L3MBTL4: variants seen among roughly 807,000 people sequenced by gnomAD.
L3MBTL4 encodes L3MBTL histone methyl-lysine binding protein 4.
L3MBTL4 carries 70 observed loss-of-function variants against 84.5 expected under a neutral mutation model. That is an observed-to-expected ratio of 0.83 (90% CI 0.68 to 1.01). L3MBTL4 has a LOEUF of 1.01. Among genes scored for constraint, L3MBTL4 ranks in the 50% least tolerant of loss-of-function variants. The pLI, the probability that L3MBTL4 is intolerant of heterozygous loss-of-function variation, is 0.00. For synonymous variants in L3MBTL4, 274 were observed against 259.8 expected (o/e 1.05, Z -0.52); for missense variants, 715 against 754.8 (o/e 0.95, Z 0.62).
chr18:6,084,802 G>C (rs2058204993), intron 15 of L3MBTL4, among the ~76,000 whole-genome samples: 2 of 152,190 alleles, frequency 1.3e-5, no homozygotes, highest in Non-Finnish European at 2.9e-5. Context: ...GGTGAGAGAT[G>C]GTAGAAAAAG....
chr18:6,311,613 T>C lies in L3MBTL4; in HGVS notation c.13A>G (p.Asn5Asp), dbSNP rs927703782. MKQPNRKRKLNMDSK... is the reference protein window; with the variant it reads MKQPDRKRKLNMDSK... Reference sequence around the variant, plus strand: ...TCCATATTAAGCTTCCTTTTCCTGTTGGGCTGTTTCATTGCCACCCCCGCA... The same window carrying C: ...TCCATATTAAGCTTCCTTTTCCTGTCGGGCTGTTTCATTGCCACCCCCGCA... The change falls in exon 3 of 19, where the codon AAC (asparagine) becomes GAC (aspartate). Residue 5 changes from asparagine (N) to aspartate (D), a missense_variant. Transcript: ENST00000317931. 2 of 1,613,772 alleles carry C rather than the reference T, an allele frequency of 1.2e-6. No homozygotes were observed. Among genetic ancestry groups the C allele is most frequent in the East Asian group, 4.5e-5 (2 of 44,848 alleles).
intron 16 of L3MBTL4, among the ~76,000 whole-genome samples, chr18:6,064,655 G>C (rs1166796497): frequency 1.5e-5 from 2 of 132,080 alleles, no homozygotes; most frequent in African/African-American, 2.8e-5. Context: ...TTTTATTTTT[G>C]GCTTAGTCAT....
intron 15 of L3MBTL4, among the ~76,000 whole-genome samples, chr18:6,090,407 G>A (rs1440203381): frequency 1.3e-5 from 2 of 151,768 alleles, no homozygotes; most frequent in African/African-American, 2.4e-5. Flanking sequence ...ATTAATATAA[G>A]AGCAAACATG....
At position 6,193,775 on chromosome 18, in the gene L3MBTL4, G is replaced by A. The variant is rs551008195; in HGVS notation, c.981+19374C>T. The stretch of plus-strand genomic sequence containing the variant: ...GGCTTTTGTGGATGAAAGTGAGGCC[G>A]ACTGGAGAGATTGAGTCATAGTCCA... On this transcript the variant is annotated intron_variant, in intron 12 of 18. Transcript: ENST00000317931. Among the ~76,000 whole-genome samples the A allele has an allele frequency of 2.6e-5, 4 of 152,304 alleles. No individual in the cohort carries two copies. The East Asian group carries it at 5.8e-4, about 22-fold the overall frequency.
intron 16 of L3MBTL4, among the ~76,000 whole-genome samples, chr18:6,007,067 A>T (rs1282066633): frequency 2.0e-5 from 3 of 152,160 alleles, no homozygotes; most frequent in Admixed American, 1.3e-4. Context: ...AAGAGTAAAT[A>T]AAAAAATGGT....
At chr18:6,292,317 T>C (rs1283039717) in intron 4 of L3MBTL4, among the ~76,000 whole-genome samples, 1 of 152,204 alleles carries the variant, frequency 6.6e-6, no homozygotes, top group African/African-American at 2.4e-5. Context: ...TATTACATTG[T>C]TGCTAATTAT....
At chr18:6,345,591 T>A (rs2052859078) in intron 1 of L3MBTL4, among the ~76,000 whole-genome samples, 1 of 152,134 alleles carries the variant, frequency 6.6e-6, no homozygotes. Flanking sequence ...TCAAAAAGAA[T>A]AAAATTATGA....
At chr18:6,006,692 C>T (rs1336471503) in intron 16 of L3MBTL4, among the ~76,000 whole-genome samples, 1 of 152,114 alleles carries the variant, frequency 6.6e-6, no homozygotes, top group Non-Finnish European at 1.5e-5. Flanking sequence ...TACAACTGAT[C>T]TAGCAGATAT....
chr18:6,170,791 A>T (rs2043932712), intron 13 of L3MBTL4, among the ~76,000 whole-genome samples: 1 of 152,098 alleles, frequency 6.6e-6, no homozygotes, highest in Admixed American at 6.6e-5. Context: ...TGGGGTGTGA[A>T]ACCAGGGAGG....
At chr18:5,980,099 G>A (rs559240393) in intron 16 of L3MBTL4, among the ~76,000 whole-genome samples, 3 of 151,938 alleles carry the variant, frequency 2.0e-5, no homozygotes, top group South Asian at 2.1e-4. Context: ...CCTAGGCACC[G>A]CCGAGGGCTC....
chr18:6,138,494 C>A (rs1440418354), intron 13 of L3MBTL4, among the ~76,000 whole-genome samples, 198 bp from the exon 14 acceptor site: 1 of 152,018 alleles, frequency 6.6e-6, no homozygotes, highest in Non-Finnish European at 1.5e-5. Context: ...TAAATAACAC[C>A]AACAGCACAA....
intron 16 of L3MBTL4, among the ~76,000 whole-genome samples, chr18:5,978,222 A>G (rs1328846129): frequency 2.6e-5 from 4 of 152,330 alleles, no homozygotes; most frequent in African/African-American, 9.6e-5. Flanking sequence ...TGTTTGTAAC[A>G]TGAAATCTCA....
chr18:6,149,122 C>T (rs148937935), intron 13 of L3MBTL4, among the ~76,000 whole-genome samples: 7,857 of 151,646 alleles, frequency 0.052, 679 homozygotes, highest in African/African-American at 0.18. Context: ...TATGTATACA[C>T]GTGCCATGTT....
At chr18:6,290,552 G>T (rs1331485185) in intron 4 of L3MBTL4, among the ~76,000 whole-genome samples, 1 of 150,874 alleles carries the variant, frequency 6.6e-6, no homozygotes, top group African/African-American at 2.4e-5. Context: ...TTTTGAGACA[G>T]AGTCTCGCTC....
intron 17 of L3MBTL4, among the ~76,000 whole-genome samples, chr18:5,967,795 A>T (rs1044144597): frequency 1.1e-4 from 17 of 152,202 alleles, no homozygotes; most frequent in African/African-American, 4.1e-4. Context: ...TGAGTGTAAG[A>T]ACAGGCCGGG....
chr18:5,957,268 G>A (rs1342634024), intron 18 of L3MBTL4, among the ~76,000 whole-genome samples: 2 of 151,828 alleles, frequency 1.3e-5, no homozygotes, highest in Non-Finnish European at 2.9e-5. Flanking sequence ...CTGATGTATG[G>A]CATGGGTGGT....
intron 13 of L3MBTL4, among the ~76,000 whole-genome samples, chr18:6,161,322 G>C (rs567143294): frequency 9.9e-5 from 15 of 152,256 alleles, no homozygotes; most frequent in African/African-American, 3.6e-4. Flanking sequence ...GTCATCACCT[G>C]GTCATACAAA....
intron 16 of L3MBTL4, among the ~76,000 whole-genome samples, chr18:6,016,911 G>C (rs1027459271): frequency 6.6e-6 from 1 of 152,130 alleles, no homozygotes; most frequent in Admixed American, 6.6e-5. Context: ...TGTGGGGAAG[G>C]GGCATGGAGA....
At chr18:6,191,326 T>C (rs959622105) in intron 12 of L3MBTL4, among the ~76,000 whole-genome samples, 1 of 151,982 alleles carries the variant, frequency 6.6e-6, no homozygotes, top group Admixed American at 6.5e-5. Context: ...TGTACACATC[T>C]CAAAGCTGTA....
Sources: allele counts gnomAD v4.1 joint callset (sites outside exome capture counted in the v4.1 genomes callset), GRCh38; gene constraint gnomAD v4.1.1; transcripts MANE v1.5; gene names NCBI Gene and HGNC (gene_info 2026-07-23, HGNC 2026-07-21).